CELF2: variants seen among roughly 807,000 people sequenced by gnomAD.
CELF2 encodes the protein CUGBP Elav-like family member 2.
A neutral mutation model predicts 62.6 loss-of-function variants in CELF2; 8 were observed. That is an observed-to-expected ratio of 0.13 (90% CI 0.07 to 0.23). CELF2 has a LOEUF of 0.23. Ranked by LOEUF, CELF2 falls within the 10% of genes least tolerant of loss-of-function variation. The pLI is 1.00. For synonymous variants in CELF2, 258 were observed against 250.0 expected, an observed-to-expected ratio of 1.03 and a Z score of -0.30; for missense variants, 333 against 671.0, an observed-to-expected ratio of 0.50 and a Z score of 5.56.
At chr10:10,850,005 G>A (rs541524322) in intron 1 of CELF2, among the ~76,000 whole-genome samples, 23 of 151,770 alleles carry the variant, frequency 1.5e-4, no homozygotes, top group Non-Finnish European at 2.2e-4. Context: ...AAAATTAGCC[G>A]AGCATGGTGG....
At chr10:10,913,858 A>ATAAGGAAGGAAGGAAGGAAGGAAGGAAG (rs1554880057) in intron 1 of CELF2, among the ~76,000 whole-genome samples, 1 of 101,044 alleles carries the variant, frequency 9.9e-6, no homozygotes. Context: ...AGGGAAGGAG[A>ATAAGGAAGGAAGGAAGGAAGGAAGGAAG]GAAGGAAGGA....
intron 1 of CELF2, among the ~76,000 whole-genome samples, chr10:11,149,837 C>A (rs1432222970): frequency 6.6e-6 from 1 of 152,154 alleles, no homozygotes; most frequent in African/African-American, 2.4e-5. Context: ...CATCTTGCAT[C>A]GACCCCGATG....
At chr10:10,601,797 G>A in the CELF2 span, among the ~76,000 whole-genome samples, 1 of 150,998 alleles carries the variant, frequency 6.6e-6, no homozygotes, top group South Asian at 2.1e-4. Flanking sequence ...ACAGTTCAAC[G>A]TGTGCCATGG....
chr10:10,512,333 C>T, the CELF2 span, among the ~76,000 whole-genome samples: 1 of 151,392 alleles, frequency 6.6e-6, no homozygotes, highest in South Asian at 2.1e-4. Flanking sequence ...AATGAATTCT[C>T]TACTGCTGAT....
At chr10:10,804,669 G>A (rs987411337) in intron 1 of CELF2, among the ~76,000 whole-genome samples, 20 of 152,138 alleles carry the variant, frequency 1.3e-4, no homozygotes, top group African/African-American at 2.7e-4. Flanking sequence ...ACACTTTTGC[G>A]TGTTCCCTTA....
At chr10:11,166,573 T>A (rs778802342) in intron 2 of CELF2, among the ~76,000 whole-genome samples, 4 of 152,246 alleles carry the variant, frequency 2.6e-5, no homozygotes, top group Non-Finnish European at 5.9e-5. Context: ...CTTCTTTCTC[T>A]GTTGTTGATC....
the CELF2 span, among the ~76,000 whole-genome samples, chr10:10,522,169 C>G: frequency 0.82 from 124,141 of 152,230 alleles, 50,960 homozygotes; most frequent in Non-Finnish European, 0.87. Flanking sequence ...ACCCAAGAGC[C>G]CTTCTCCACA....
the CELF2 span, among the ~76,000 whole-genome samples, chr10:10,482,088 A>G: frequency 2.6e-5 from 4 of 152,220 alleles, no homozygotes; most frequent in East Asian, 7.7e-4. Context: ...ATTTGCACAT[A>G]CACTCTGCGT....
the CELF2 span, among the ~76,000 whole-genome samples, chr10:10,555,588 A>G: frequency 6.6e-6 from 1 of 152,190 alleles, no homozygotes; most frequent in Non-Finnish European, 1.5e-5. Flanking sequence ...ATACATTAAC[A>G]TTTTGTGCTG....
the CELF2 span, among the ~76,000 whole-genome samples, chr10:10,756,617 C>T: frequency 6.6e-6 from 1 of 152,106 alleles, no homozygotes; most frequent in Admixed American, 6.6e-5. Context: ...TTTAATGATG[C>T]AGTTATATTT....
Position 11,285,001 on chromosome 10 carries a change from T to A in CELF2, c.842-3417T>A, listed in dbSNP as rs2090720142. Among the ~76,000 whole-genome samples, 1 of 148,094 alleles carries A rather than the reference T, an allele frequency of 6.8e-6. No homozygotes were observed. Among genetic ancestry groups the A allele is most frequent in the Non-Finnish European group, 1.5e-5 (1 of 66,958 alleles). ...TGTGGATGAGAGATGGATGTGTGGA[T>A]GACGGATGGGTGGGAGGATAGTGGA... On this transcript the variant is annotated intron_variant, in intron 8 of 12. Transcript: ENST00000633077. The surrounding 1 kb of genome is among the most constrained non-coding windows in gnomAD (Gnocchi z 4.3).
chr10:10,481,112 C>T, the CELF2 span, among the ~76,000 whole-genome samples: 4 of 152,066 alleles, frequency 2.6e-5, no homozygotes, highest in Non-Finnish European at 4.4e-5. Context: ...AAAAAAAATT[C>T]AAGAGGAATG....
the CELF2 span, among the ~76,000 whole-genome samples, chr10:10,489,867 C>T: frequency 1.3e-5 from 2 of 149,616 alleles, no homozygotes; most frequent in African/African-American, 2.5e-5. Flanking sequence ...TTTCCATTCA[C>T]ATTTTTAAAT....
At chr10:10,507,456 G>A in the CELF2 span, among the ~76,000 whole-genome samples, 2 of 152,220 alleles carry the variant, frequency 1.3e-5, no homozygotes, top group South Asian at 2.1e-4. Flanking sequence ...AGTCTCAACA[G>A]GTCAGGTACA....
At chr10:10,635,956 C>T in the CELF2 span, among the ~76,000 whole-genome samples, 2 of 152,166 alleles carry the variant, frequency 1.3e-5, no homozygotes, top group African/African-American at 4.8e-5. Flanking sequence ...AAAGTCTTTC[C>T]TTCTTTCCCT....
rs2083206526 is a variant in CELF2, at chr10:11,269,737, A to T, written c.619-929A>T. ...ATGTTGCAAAGGTGCTTTGGAAAGG[A>T]GGTCTTCGTGCTTGGGGTGTTAGGC... On this transcript the variant is annotated intron_variant, in intron 6 of 12. Transcript: ENST00000633077. The surrounding 1 kb of genome is among the most constrained non-coding windows in gnomAD (Gnocchi z 4.4). Among the ~76,000 whole-genome samples, 2 of 152,184 alleles carry T rather than the reference A, an allele frequency of 1.3e-5. No individual in the cohort carries two copies. The highest frequency in any genetic ancestry group is 2.9e-5 in the Non-Finnish European group (2 of 68,034).
the CELF2 span, among the ~76,000 whole-genome samples, chr10:10,599,197 T>C: frequency 6.6e-6 from 1 of 152,206 alleles, no homozygotes; most frequent in African/African-American, 2.4e-5. Flanking sequence ...TATAGAGAAG[T>C]CATTGAGAGC....
rs368620399 is a variant in CELF2 at position 11,302,786 on chromosome 10, G to T, written c.977-11353G>T. On this transcript the variant is annotated intron_variant, in intron 9 of 12. Transcript: ENST00000633077. The surrounding 1 kb of genome is among the most constrained non-coding windows in gnomAD (Gnocchi z 5.0). Reference sequence around the variant, plus strand: ...TCCTTTGTTCTCGGGTCTCTAAATTGACATGAGATTTTCACATTGTTCCGC... The same window carrying T: ...TCCTTTGTTCTCGGGTCTCTAAATTTACATGAGATTTTCACATTGTTCCGC... Among the ~76,000 whole-genome samples, 23 of 152,292 alleles carry T rather than the reference G, an allele frequency of 1.5e-4. No homozygotes were observed. The South Asian group carries it at 3.5e-3, about 23-fold the overall frequency.
the CELF2 span, among the ~76,000 whole-genome samples, chr10:10,533,087 A>C: frequency 2.0e-5 from 3 of 152,230 alleles, no homozygotes; most frequent in African/African-American, 7.2e-5. Flanking sequence ...CAGATGGCTA[A>C]ATTATGCTCA....
Sources: allele counts gnomAD v4.1 joint callset (sites outside exome capture counted in the v4.1 genomes callset), GRCh38; gene constraint gnomAD v4.1.1; non-coding constraint Gnocchi (gnomAD v3.1); transcripts MANE v1.5; gene names NCBI Gene and HGNC (gene_info 2026-07-23, HGNC 2026-07-21).